CDH12: variants seen among roughly 807,000 people sequenced by gnomAD.
CDH12 encodes cadherin-12.
Under a neutral mutation model 74.1 loss-of-function variants are expected in CDH12, and 41 were observed. The observed-to-expected ratio is 0.55, with a 90% confidence interval of 0.43 to 0.72. CDH12 has a LOEUF of 0.72. Among genes scored for constraint, CDH12 ranks in the 30% least tolerant of loss-of-function variants. The pLI is 0.00. For missense variants in CDH12, 945 were observed against 977.2 expected (o/e 0.97, Z 0.44); for synonymous variants, 399 against 355.0 (o/e 1.12, Z -1.39).
intron 3 of CDH12, among the ~76,000 whole-genome samples, chr5:22,291,134 T>C (rs1031647184): frequency 2.0e-5 from 3 of 152,266 alleles, no homozygotes; most frequent in Admixed American, 1.3e-4. Flanking sequence ...ATTATTTCAA[T>C]AGGAGCAGAA....
intron 3 of CDH12, among the ~76,000 whole-genome samples, chr5:22,359,446 TAC>T (rs1740705300): frequency 6.6e-6 from 1 of 152,236 alleles, no homozygotes; most frequent in Admixed American, 6.5e-5. Context: ...CTTAGAGATC[TAC>T]AAAGAGACTT....
intron 6 of CDH12, among the ~76,000 whole-genome samples, chr5:21,910,448 T>C (rs976002199): frequency 2.0e-5 from 3 of 152,084 alleles, no homozygotes; most frequent in African/African-American, 7.2e-5. Flanking sequence ...TCCCAGCCAC[T>C]GTAAAAGAAA....
At chr5:22,152,295 A>T (rs900605966) in intron 4 of CDH12, 2 of 151,164 alleles carry the variant, frequency 1.3e-5, no homozygotes, top group African/African-American at 4.9e-5. Flanking sequence ...ATTATTTATT[A>T]ATTATGTTGT....
rs1745072632 is a variant in CDH12 at position 22,742,364 on chromosome 5, A to G, written c.-523+110694T>C. On this transcript the variant is annotated intron_variant, in intron 1 of 14. Transcript: ENST00000382254. ...GAGCTGCCCTCTGTCTTAAGGAACA[A>G]GAAAACCAAGGGAGAATAGCAATAA... Among the ~76,000 whole-genome samples the G allele has an allele frequency of 7.9e-5, 12 of 152,334 alleles. No individual in the cohort carries two copies. In the South Asian group the frequency reaches 2.3e-3, roughly 29 times the overall value.
chr5:21,942,347 T>TATATATATATATATACAC (rs1225173229), intron 6 of CDH12, among the ~76,000 whole-genome samples: 2 of 129,668 alleles, frequency 1.5e-5, no homozygotes, highest in African/African-American at 6.4e-5. Context: ...TATATATATA[T>TATATATATATATATACAC]ACACACACAC....
rs1043719370 is a variant in CDH12, at chr5:21,755,651, G to A, written c.1825C>T (p.Pro609Ser). The A allele has an allele frequency of 6.2e-7, 1 of 1,613,940 alleles. No homozygotes were observed. The highest frequency in any genetic ancestry group is 1.3e-5 in the African/African-American group (1 of 75,026). The change falls in exon 14 of 15, where the codon CCT becomes TCT. Residue 609 changes from proline (P) to serine (S), a missense_variant. Physicochemically the swap from Pro to Ser is moderately conservative, Grantham distance 74. Coordinates refer to ENST00000382254, the MANE Select transcript of CDH12 (RefSeq NM_004061.5). ...AACGCCCCAGTGCTAAGTCCTACAG[G>A]TAGAAAAATTGCTTCCACATTACAA... Reference protein sequence around the residue: ...LSCNVEAIFLPVGLSTGALIA... With the variant: ...LSCNVEAIFLSVGLSTGALIA...
intron 8 of CDH12, among the ~76,000 whole-genome samples, chr5:21,837,706 G>C (rs141308474): frequency 6.4e-4 from 98 of 152,132 alleles, no homozygotes; most frequent in African/African-American, 2.2e-3. Flanking sequence ...TAAATGTTTT[G>C]TTCTGTTTTT....
chr5:22,125,669 G>C (rs1260716143), intron 4 of CDH12, among the ~76,000 whole-genome samples: 7 of 152,058 alleles, frequency 4.6e-5, no homozygotes, highest in Admixed American at 4.6e-4. Context: ...TAGGACTTCT[G>C]GCCTAGACCT....
At chr5:22,796,407 G>C (rs911376392) in intron 1 of CDH12, among the ~76,000 whole-genome samples, 1 of 151,000 alleles carries the variant, frequency 6.6e-6, no homozygotes, top group African/African-American at 2.4e-5. Context: ...TTTTATTGTG[G>C]TTTTGATTTG....
At chr5:21,987,323 T>C (rs1393168893) in intron 5 of CDH12, among the ~76,000 whole-genome samples, 2 of 152,126 alleles carry the variant, frequency 1.3e-5, no homozygotes, top group African/African-American at 4.8e-5. Context: ...ATGTAATACA[T>C]TGGGAGTAAA....
chr5:22,264,087 T>C (rs1310637808), intron 3 of CDH12, among the ~76,000 whole-genome samples: 1 of 151,562 alleles, frequency 6.6e-6, no homozygotes, highest in Non-Finnish European at 1.5e-5. Context: ...TACTCTATTA[T>C]ATATTTATTT....
intron 1 of CDH12, among the ~76,000 whole-genome samples, chr5:22,852,313 A>C (rs1737594614): frequency 1.3e-5 from 2 of 152,216 alleles, no homozygotes; most frequent in African/African-American, 4.8e-5. Context: ...GATGTTAAAA[A>C]CATAAGAAAA....
chr5:21,985,453 G>T (rs537733094), intron 5 of CDH12, among the ~76,000 whole-genome samples: 1 of 152,142 alleles, frequency 6.6e-6, no homozygotes, highest in Non-Finnish European at 1.5e-5. Context: ...AGTACATTTT[G>T]TTATAATAAT....
chr5:22,542,509 A>T (rs1367950681), intron 1 of CDH12, among the ~76,000 whole-genome samples: 1 of 152,152 alleles, frequency 6.6e-6, no homozygotes, highest in East Asian at 1.9e-4. Context: ...CTCTGGAATT[A>T]ATGATCAGTT....
chr5:22,580,569 T>C, intron 1 of CDH12: 1 of 474,656 alleles, frequency 2.1e-6, no homozygotes, highest in African/African-American at 2.0e-5. Context: ...GTATGTGTCT[T>C]GTGCTCACTC....
At chr5:22,814,785 T>G (rs924016827) in intron 1 of CDH12, among the ~76,000 whole-genome samples, 4 of 152,184 alleles carry the variant, frequency 2.6e-5, no homozygotes, top group Non-Finnish European at 5.9e-5. Context: ...TGTAATTTGA[T>G]AAGTCTAATT....
At chr5:21,778,480 A>C (rs1200667666) in intron 11 of CDH12, among the ~76,000 whole-genome samples, 2 of 150,332 alleles carry the variant, frequency 1.3e-5, no homozygotes, top group South Asian at 2.1e-4. Flanking sequence ...AAAAAAAAAA[A>C]AAAAAAAAAA....
At chr5:22,711,599 A>G (rs533876825) in intron 1 of CDH12, among the ~76,000 whole-genome samples, 57 of 152,228 alleles carry the variant, frequency 3.7e-4, no homozygotes, top group African/African-American at 1.3e-3. Context: ...ATATGGCACT[A>G]TGTTTAGAGT....
In CDH12 at chr5:22,759,209, C is replaced by CA. The variant is rs909792025; in HGVS notation, c.-523+93848dup. On this transcript the variant is annotated intron_variant, in intron 1 of 14. Coordinates refer to ENST00000382254, the MANE Select transcript of CDH12 (RefSeq NM_004061.5). Reference sequence around the variant, plus strand: ...GCTACGCAGTCTCAGAAAAAAAAAACAAAAAAAAACTTAGATTGATTTCAA... The same window carrying CA: ...GCTACGCAGTCTCAGAAAAAAAAAACAAAAAAAAAACTTAGATTGATTTCAA... 1.8e-3 allele frequency among the ~76,000 whole-genome samples: 270 copies of CA among 149,004 alleles called. 2 individuals carry two copies. Among genetic ancestry groups the CA allele is most frequent in the South Asian group, 0.015 (72 of 4,732 alleles).
Sources: allele counts gnomAD v4.1 joint callset (sites outside exome capture counted in the v4.1 genomes callset), GRCh38; gene constraint gnomAD v4.1.1; transcripts MANE v1.5; gene names NCBI Gene and HGNC (gene_info 2026-07-23, HGNC 2026-07-21).